Variants in NBEA observed in about 807,000 individuals in gnomAD.
NBEA encodes neurobeachin, also known as lysosomal-trafficking regulator 2.
NBEA carries 44 observed loss-of-function variants against 343.4 expected under a neutral mutation model. That is an observed-to-expected ratio of 0.13 (90% CI 0.10 to 0.16). The LOEUF (loss-of-function observed/expected upper bound fraction) is 0.16. Ranked by LOEUF, NBEA falls within the 10% of genes least tolerant of loss-of-function variation. NBEA has a pLI of 1.00. For missense variants in NBEA, 2,555 were observed against 3,631.3 expected (o/e 0.70, Z 7.62); for synonymous variants, 1,175 against 1,238.7 (o/e 0.95, Z 1.08).
chr13:35,652,756 G>A (rs1164618212), intron 53 of NBEA, among the ~76,000 whole-genome samples: 7 of 129,496 alleles, frequency 5.4e-5, no homozygotes, highest in Admixed American at 8.5e-5. Context: ...GTACAGTGGC[G>A]CGATCTCGGC....
At position 35,263,132 on chromosome 13, in the gene NBEA, C is replaced by T. The variant is rs561284373; in HGVS notation, c.5777-27257C>T. Among the ~76,000 whole-genome samples the T allele has an allele frequency of 6.6e-5, 10 of 152,258 alleles. No homozygotes were observed. The South Asian group carries it at 2.1e-3, about 32-fold the overall frequency. On this transcript the variant is annotated intron_variant, in intron 34 of 58. Coordinates refer to ENST00000379939, the MANE Select transcript of NBEA (RefSeq NM_001385012.1). ...ACTGGAATGAAACAGACATATAAAC[C>T]AATGGAATACAATCTCTAGCCCATA...
intron 34 of NBEA, among the ~76,000 whole-genome samples, chr13:35,254,329 T>A (rs970535583): frequency 6.7e-6 from 1 of 149,490 alleles, no homozygotes; most frequent in African/African-American, 2.4e-5. Flanking sequence ...TTTTACTTTT[T>A]TTTTTTTTTT....
intron 51 of NBEA, among the ~76,000 whole-genome samples, chr13:35,648,962 C>A (rs1360577958): frequency 6.6e-6 from 1 of 152,056 alleles, no homozygotes; most frequent in Non-Finnish European, 1.5e-5. Flanking sequence ...ACCACCATGG[C>A]ACACGTTTAC....
chr13:35,000,733 T>G (rs574141193), intron 1 of NBEA, among the ~76,000 whole-genome samples: 1 of 151,918 alleles, frequency 6.6e-6, no homozygotes, highest in African/African-American at 2.4e-5. Context: ...AGTGGAAAAT[T>G]TTGCTTTATC....
chr13:35,152,316 G>A (rs2068841721), intron 18 of NBEA, among the ~76,000 whole-genome samples: 2 of 152,172 alleles, frequency 1.3e-5, no homozygotes, highest in Admixed American at 1.3e-4. Context: ...AATTTCAGAG[G>A]TGGACAGTAT....
intron 5 of NBEA, 121 bp from the exon 6 acceptor site, chr13:35,050,148 T>C: frequency 2.7e-6 from 2 of 734,468 alleles, no homozygotes; most frequent in South Asian, 9.4e-5. Flanking sequence ...ATTTGACACA[T>C]ATTAAACTGC....
Position 35,098,534 on chromosome 13 carries a change from A to G in NBEA, c.1680+129A>G, listed in dbSNP as rs1200980328. The G allele has an allele frequency of 1.6e-5, 9 of 569,584 alleles. 1 individual carries two copies. In the Admixed American group the frequency reaches 2.3e-4, roughly 14 times the overall value. 35.3% of individuals were successfully genotyped at this position (569,584 alleles called of 1,614,324 possible). A position where few individuals can be genotyped will look rare whatever the true frequency, so the allele number is the denominator to read the frequency against. ...AGATTATACTATTTGCTAATTCACA[A>G]ACGTCTTAGATTTAAGTGTAGACAT... On this transcript the variant is annotated intron_variant, in intron 11 of 58. Transcript: ENST00000379939.
At chr13:35,429,069 A>C (rs2044912173) in intron 38 of NBEA, among the ~76,000 whole-genome samples, 2 of 152,276 alleles carry the variant, frequency 1.3e-5, no homozygotes, top group Non-Finnish European at 2.9e-5. Context: ...CTGACTCTGC[A>C]GTAGGCTTAC....
At chr13:35,264,741 C>T in intron 34 of NBEA, among the ~76,000 whole-genome samples, 1 of 151,814 alleles carries the variant, frequency 6.6e-6, no homozygotes, top group East Asian at 1.9e-4. Context: ...AAGGAATATA[C>T]CTCAACACAA....
intron 31 of NBEA, 94 bp downstream of exon 31, chr13:35,196,396 T>C (rs2072599742): frequency 4.2e-6 from 5 of 1,184,806 alleles, no homozygotes; most frequent in Non-Finnish European, 5.8e-6. Context: ...TTGAAAACTT[T>C]ATTAACGTAG....
At chr13:35,434,217 C>A (rs1340894005) in intron 39 of NBEA, among the ~76,000 whole-genome samples, 5 of 151,932 alleles carry the variant, frequency 3.3e-5, no homozygotes, top group Admixed American at 6.6e-5. Flanking sequence ...TGAATAAAAT[C>A]TTTTTCAAAC....
intron 47 of NBEA, among the ~76,000 whole-genome samples, chr13:35,594,911 C>G (rs939456129): frequency 1.3e-5 from 2 of 149,694 alleles, no homozygotes; most frequent in Non-Finnish European, 3.0e-5. Context: ...CAGCCTATTT[C>G]AAATGAAAAT....
At chr13:35,138,494 C>G (rs1445905531) in intron 17 of NBEA, among the ~76,000 whole-genome samples, 2 of 145,362 alleles carry the variant, frequency 1.4e-5, no homozygotes, top group Admixed American at 6.9e-5. Context: ...GAGTTTTGCT[C>G]TGTCGCCCAG....
chr13:35,308,359 C>T (rs902196073), intron 35 of NBEA, among the ~76,000 whole-genome samples: 3 of 146,448 alleles, frequency 2.0e-5, no homozygotes, highest in Non-Finnish European at 4.5e-5. Context: ...TATTAAAATG[C>T]ATTAGGGAAC....
chr13:35,612,673 A>G (rs2082577242), intron 48 of NBEA, among the ~76,000 whole-genome samples: 1 of 152,152 alleles, frequency 6.6e-6, no homozygotes, highest in Non-Finnish European at 1.5e-5. Flanking sequence ...AATCCCCTAG[A>G]CAGTGTTATA....
chr13:35,257,800 A>T lies in NBEA; in HGVS notation c.5776+25181A>T, dbSNP rs368201516. 5.3e-5 allele frequency among the ~76,000 whole-genome samples: 8 copies of T among 152,212 alleles called. No homozygotes were observed. In the South Asian group the frequency reaches 1.7e-3, roughly 31 times the overall value. ...GTGCAAACAAAAATTGGTAATTTTC[A>T]TATAGATCTGATTAACAAAAATAAA... On this transcript the variant is annotated intron_variant, in intron 34 of 58. Coordinates refer to ENST00000379939, the MANE Select transcript of NBEA (RefSeq NM_001385012.1).
At chr13:35,505,847 A>G (rs2077053402) in intron 41 of NBEA, among the ~76,000 whole-genome samples, 2 of 151,824 alleles carry the variant, frequency 1.3e-5, no homozygotes, top group African/African-American at 2.4e-5. Flanking sequence ...AAAGACAGAA[A>G]GCATTCTACT....
chr13:35,181,183 A>G (rs1408874948), intron 28 of NBEA, among the ~76,000 whole-genome samples: 1 of 151,926 alleles, frequency 6.6e-6, no homozygotes, highest in Non-Finnish European at 1.5e-5. Context: ...CTCTGGGTAA[A>G]TACCCAGTAG....
intron 1 of NBEA, among the ~76,000 whole-genome samples, chr13:34,962,564 A>G (rs2059694088): frequency 3.9e-5 from 6 of 152,116 alleles, no homozygotes; most frequent in Admixed American, 3.9e-4. Flanking sequence ...GAGTTGAGGA[A>G]ACAATTATTA....
Sources: allele counts gnomAD v4.1 joint callset (sites outside exome capture counted in the v4.1 genomes callset), GRCh38; gene constraint gnomAD v4.1.1; transcripts MANE v1.5; gene names NCBI Gene and HGNC (gene_info 2026-07-23, HGNC 2026-07-21).